Variants in C3orf49 observed in about 807,000 individuals in gnomAD.
The protein encoded by C3orf49 is putative uncharacterized protein C3orf49.
Under a neutral mutation model 13.3 loss-of-function variants are expected in C3orf49, and 27 were observed. The ratio of observed to expected loss-of-function variants is 2.02; its 90% confidence interval spans 1.49 to 2.79. The LOEUF is 2.79. Ranked by LOEUF, C3orf49 falls within the 30% of genes most tolerant of loss-of-function variation. The probability of loss-of-function intolerance (pLI) is 0.00; values close to 1 mark genes in which losing one functional copy is unlikely to be tolerated. For synonymous variants in C3orf49, 87 were observed against 47.6 expected, an observed-to-expected ratio of 1.83 and a Z score of -3.40; for missense variants, 242 against 134.2, an observed-to-expected ratio of 1.80 and a Z score of -3.97.
At chr3:63,780,492 G>A in the C3orf49 span, among the ~76,000 whole-genome samples, 3 of 152,068 alleles carry the variant, frequency 2.0e-5, no homozygotes, top group South Asian at 6.2e-4. Flanking sequence ...TAATCCTTTG[G>A]GTATATACCC....
At chr3:63,835,115 A>G in intron 5 of C3orf49, 5 of 1,599,396 alleles carry the variant, frequency 3.1e-6, no homozygotes, top group Non-Finnish European at 3.4e-6. Context: ...CATTTAAAAA[A>G]TCTTCATAAG....
the C3orf49 span, among the ~76,000 whole-genome samples, chr3:63,784,078 A>G: frequency 6.6e-6 from 1 of 152,198 alleles, no homozygotes; most frequent in Non-Finnish European, 1.5e-5. Context: ...AAATTAAGGA[A>G]TAGTTACTCT....
chr3:63,809,414 CACAG>C, the C3orf49 span, among the ~76,000 whole-genome samples: 1 of 152,216 alleles, frequency 6.6e-6, no homozygotes, highest in Non-Finnish European at 1.5e-5. Flanking sequence ...AGAAAATTAA[CACAG>C]AGGTTATTTT....
the C3orf49 span, among the ~76,000 whole-genome samples, chr3:63,785,059 C>CTTTT: frequency 3.4e-5 from 4 of 116,270 alleles, no homozygotes; most frequent in South Asian, 1.1e-3. Flanking sequence ...GACTTCTCTT[C>CTTTT]TTCTTCTTTT....
intron 5 of C3orf49, chr3:63,839,825 A>G (rs1425344392): frequency 7.0e-7 from 1 of 1,428,798 alleles, no homozygotes; most frequent in Non-Finnish European, 9.8e-7. Context: ...ACTTTCAAGT[A>G]CAAATAACCA....
At chr3:63,797,861 C>G in the C3orf49 span, among the ~76,000 whole-genome samples, 1 of 152,006 alleles carries the variant, frequency 6.6e-6, no homozygotes, top group Non-Finnish European at 1.5e-5. Context: ...AAGCCCTGGC[C>G]CTGGAATTTA....
rs991667241 is a variant in C3orf49, at chr3:63,823,600, T to C, written c.445+31T>C. Reference sequence around the variant, plus strand: ...CATATTTGGGCAATTTGTCTTTGGGTTGAGGCCAAGAGGAAGAGTGAAATT... The same window carrying C: ...CATATTTGGGCAATTTGTCTTTGGGCTGAGGCCAAGAGGAAGAGTGAAATT... On this transcript the variant is annotated intron_variant, in intron 2 of 6. Coordinates refer to ENST00000295896, the MANE Select transcript of C3orf49 (RefSeq NM_001355236.2). The C allele has an allele frequency of 4.4e-6, 3 of 680,770 alleles. No homozygotes were observed. In the African/African-American group the frequency reaches 5.3e-5, roughly 12 times the overall value. 42.2% of individuals were successfully genotyped at this position (680,770 alleles called of 1,614,324 possible).
the C3orf49 span, among the ~76,000 whole-genome samples, chr3:63,794,532 G>T: frequency 9.9e-5 from 15 of 151,962 alleles, no homozygotes; most frequent in African/African-American, 3.4e-4. Flanking sequence ...TTCGAAAGTT[G>T]TCTCTGCTCA....
chr3:63,791,089 A>G, the C3orf49 span, among the ~76,000 whole-genome samples: 1 of 152,222 alleles, frequency 6.6e-6, no homozygotes, highest in Admixed American at 6.5e-5. Context: ...AACCTGCAAG[A>G]AACACCCAAA....
upstream of C3orf49, among the ~76,000 whole-genome samples, chr3:63,817,394 G>A (rs1403413436): frequency 6.6e-6 from 1 of 152,128 alleles, no homozygotes; most frequent in African/African-American, 2.4e-5. Flanking sequence ...TTTTGTGTAT[G>A]TTGTTCACTG....
At chr3:63,835,261 T>C (rs1047055877) in intron 5 of C3orf49, 2 of 1,612,386 alleles carry the variant, frequency 1.2e-6, no homozygotes, top group Admixed American at 1.7e-5. Flanking sequence ...AAATGACCTG[T>C]ATATATAGAT....
chr3:63,807,135 TA>T, the C3orf49 span, among the ~76,000 whole-genome samples: 1 of 152,070 alleles, frequency 6.6e-6, no homozygotes, highest in Non-Finnish European at 1.5e-5. Flanking sequence ...GTATTTTTAG[TA>T]GAGACGGGGT....
At chr3:63,818,613 A>C (rs1701350106), upstream of C3orf49, among the ~76,000 whole-genome samples, 1 of 152,240 alleles carries the variant, frequency 6.6e-6, no homozygotes, top group African/African-American at 2.4e-5. Context: ...AAGCAGAGTA[A>C]TTCTTGTAAC....
At position 63,846,177 on chromosome 3, in the gene C3orf49, A is replaced by G. The variant is rs1364828095; in HGVS notation, c.*30+1095A>G. 3 of 449,162 alleles carry G rather than the reference A, an allele frequency of 6.7e-6. No homozygotes were observed. The Admixed American group carries it at 7.2e-5, about 11-fold the overall frequency. 27.8% of individuals were successfully genotyped at this position (449,162 alleles called of 1,614,324 possible). ...TTTGCCTGAATATTTACAATCTACTACTAAATATTCAGTCTGCTTTGTCTG... is the reference window on the plus strand; with the variant it reads ...TTTGCCTGAATATTTACAATCTACTGCTAAATATTCAGTCTGCTTTGTCTG... On this transcript the variant is annotated intron_variant, in intron 6 of 6. Transcript: ENST00000295896.
chr3:63,803,260 G>A, the C3orf49 span, among the ~76,000 whole-genome samples: 1 of 152,114 alleles, frequency 6.6e-6, no homozygotes, highest in Admixed American at 6.5e-5. Context: ...CTTTTGCCGT[G>A]TGCCTTGGCA....
intron 5 of C3orf49, chr3:63,835,158 C>A (rs1206146152): frequency 6.2e-7 from 1 of 1,613,256 alleles, no homozygotes. Context: ...ACTTACTTTC[C>A]AATGTTTGCT....
chr3:63,782,086 C>T, the C3orf49 span, among the ~76,000 whole-genome samples: 1 of 152,068 alleles, frequency 6.6e-6, no homozygotes, highest in South Asian at 2.1e-4. Flanking sequence ...CACTGTTGAC[C>T]CTCAATACGG....
chr3:63,841,775 A>G (rs1476379974), intron 5 of C3orf49, among the ~76,000 whole-genome samples: 2 of 152,238 alleles, frequency 1.3e-5, no homozygotes. Context: ...GAAGAGATTA[A>G]AATGCAGGAA....
At chr3:63,786,675 C>T in the C3orf49 span, among the ~76,000 whole-genome samples, 1 of 152,184 alleles carries the variant, frequency 6.6e-6, no homozygotes, top group African/African-American at 2.4e-5. Context: ...TTTATACTGC[C>T]TTCCAGTTGC....
Sources: gnomAD v4.1 joint callset for allele counts (sites outside exome capture counted in the v4.1 genomes callset) on GRCh38, gnomAD v4.1.1 for gene constraint, MANE v1.5 for transcripts, NCBI Gene and HGNC (gene_info 2026-07-23, HGNC 2026-07-21) for gene names.